Variants in CHFR observed in about 807,000 individuals in gnomAD.
CHFR encodes the protein E3 ubiquitin-protein ligase CHFR.
CHFR carries 57 observed loss-of-function variants against 87.6 expected under a neutral mutation model. The observed-to-expected ratio is 0.65, with a 90% CI of 0.53 to 0.81. The LOEUF is 0.81. Among genes scored for constraint, CHFR ranks in the 30% least tolerant of loss-of-function variants. The pLI is 0.00. For missense variants in CHFR, 797 were observed against 865.8 expected (o/e 0.92, Z 1.00); for synonymous variants, 381 against 359.2 (o/e 1.06, Z -0.69).
chr12:132,878,984 T>C (rs1391390859), intron 2 of CHFR, among the ~76,000 whole-genome samples: 1 of 148,910 alleles, frequency 6.7e-6, no homozygotes, highest in Non-Finnish European at 1.5e-5. Flanking sequence ...GTGATAGGCA[T>C]TTGTTTTTTT....
chr12:132,851,141 C>T (rs1274317432), intron 12 of CHFR, among the ~76,000 whole-genome samples: 2 of 152,004 alleles, frequency 1.3e-5, no homozygotes, highest in African/African-American at 4.8e-5. Context: ...CAGGTGTACA[C>T]CATCATGTCT....
At chr12:132,849,261 C>T (rs933280790) in intron 12 of CHFR, 1 of 152,474 alleles carries the variant, frequency 6.6e-6, no homozygotes, top group Non-Finnish European at 1.5e-5. Context: ...AGACCCACAT[C>T]GTTTCTTAAA....
At chr12:132,845,230 C>T (rs1190790324) in intron 15 of CHFR, among the ~76,000 whole-genome samples, 4 of 151,466 alleles carry the variant, frequency 2.6e-5, no homozygotes, top group Non-Finnish European at 2.9e-5. Context: ...CCGAGGCAGG[C>T]GGATCACAAG....
intron 12 of CHFR, among the ~76,000 whole-genome samples, chr12:132,850,964 C>CAT (rs55826641): frequency 0.028 from 3,815 of 135,390 alleles, 58 homozygotes; most frequent in Middle Eastern, 0.05. Flanking sequence ...TATGTGTGTG[C>CAT]ATATATATAT....
chr12:132,877,452 A>G (rs1951654494), intron 3 of CHFR, 103 bp downstream of exon 3: 1 of 649,820 alleles, frequency 1.5e-6, no homozygotes, highest in Non-Finnish European at 2.6e-6. Context: ...CACTAAAGAC[A>G]GCATTTCTTC....
rs1305142773 is a variant in CHFR at position 132,857,007 on chromosome 12, C to T, written c.1067-377G>A. On this transcript the variant is annotated intron_variant, in intron 9 of 17. Transcript: ENST00000450056. ...CGTGCCCGGGTGCTGGTGTGGATGC[C>T]CTCACGTGCCTGGGTGCTGGTGGAG... Among the ~76,000 whole-genome samples the T allele has an allele frequency of 1.2e-4, 13 of 108,688 alleles. 1 individual carries two copies. The highest frequency in any genetic ancestry group is 1.9e-4 in the Non-Finnish European group (10 of 52,092). The allele number at this position is 108,688 out of a possible 152,430, so 71.3% of individuals were successfully genotyped here.
rs1419533262 is a variant in CHFR, at chr12:132,887,348, G to A, written c.-12-8C>T. ...CTCCATCGGGATTCACATCTGCGGA[G>A]ACCCCGGAAACGCCCATGGAGACTC... On this transcript the variant is annotated splice_region_variant and splice_polypyrimidine_tract_variant and intron_variant, in intron 1 of 17. Coordinates refer to ENST00000450056, the MANE Select transcript of CHFR (RefSeq NM_001161346.2). The A allele has an allele frequency of 2.8e-6, 4 of 1,408,304 alleles. No individual in the cohort carries two copies. Among genetic ancestry groups the A allele is most frequent in the Admixed American group, 3.0e-5 (1 of 33,528 alleles). 87.2% of individuals were successfully genotyped at this position (1,408,304 alleles called of 1,614,324 possible). A position where few individuals can be genotyped will look rare whatever the true frequency, so the allele number is the denominator to read the frequency against.
At chr12:132,868,428 G>A (rs1409175943) in intron 6 of CHFR, among the ~76,000 whole-genome samples, 1 of 152,054 alleles carries the variant, frequency 6.6e-6, no homozygotes, top group East Asian at 1.9e-4. Context: ...GAATGGCGTG[G>A]GAGGCGGAGC....
Position 132,875,080 on chromosome 12 carries a change from A to C in CHFR, c.233+2475T>G, listed in dbSNP as rs531987562. On this transcript the variant is annotated intron_variant, in intron 3 of 17. Coordinates refer to ENST00000450056, the MANE Select transcript of CHFR (RefSeq NM_001161346.2). ...CCAGCATGGGGAAGCCAGGCCCTGA[A>C]GCAGGCGGGACAGCTAGGGACCAGC... 2.0e-5 allele frequency among the ~76,000 whole-genome samples: 3 copies of C among 152,176 alleles called. No individual in the cohort carries two copies. The East Asian group carries it at 5.8e-4, about 29-fold the overall frequency.
At chr12:132,882,205 G>A (rs1951785450) in intron 2 of CHFR, among the ~76,000 whole-genome samples, 1 of 152,134 alleles carries the variant, frequency 6.6e-6, no homozygotes, top group African/African-American at 2.4e-5. Context: ...AACACTACCC[G>A]GTAACAGAAA....
At position 132,870,821 on chromosome 12, in the gene CHFR, C is replaced by G. The variant is rs750067972; in HGVS notation, c.344-38G>C. The G allele has an allele frequency of 9.6e-6, 13 of 1,352,852 alleles. No homozygotes were observed. In the Middle Eastern group the frequency reaches 5.4e-4, roughly 57 times the overall value. The allele number at this position is 1,352,852 out of a possible 1,614,324, so 83.8% of individuals were successfully genotyped here. The stretch of plus-strand genomic sequence containing the variant: ...CAATCAAATCAGAAAAGTGGTGGCC[C>G]CTGTGCAAACTGAGAACTCATTTTT... On this transcript the variant is annotated intron_variant, in intron 4 of 17. Transcript: ENST00000450056.
intron 2 of CHFR, among the ~76,000 whole-genome samples, chr12:132,885,550 A>C (rs1355094101): frequency 6.6e-6 from 1 of 152,332 alleles, no homozygotes; most frequent in South Asian, 2.1e-4. Context: ...TGGCAACATT[A>C]TTTATAAATT....
chr12:132,853,888 C>A (rs529465232), intron 10 of CHFR: 7 of 363,622 alleles, frequency 1.9e-5, no homozygotes, highest in South Asian at 7.1e-5. Context: ...AGGGCCAGCA[C>A]GTGCGCGCAC....
At chr12:132,847,300 G>C (rs968271009) in intron 14 of CHFR, 170 bp from the exon 15 acceptor site, 5 of 1,371,460 alleles carry the variant, frequency 3.6e-6, no homozygotes, top group African/African-American at 2.9e-5. Flanking sequence ...TGCAGCACGA[G>C]AAGTCTTGTC....
chr12:132,849,834 C>T (rs1416015379), intron 12 of CHFR: 1 of 152,286 alleles, frequency 6.6e-6, no homozygotes, highest in Non-Finnish European at 1.5e-5. Flanking sequence ...AGGTCATCCG[C>T]CTGCCTTGGC....
At chr12:132,885,479 G>C (rs1228543079) in intron 2 of CHFR, among the ~76,000 whole-genome samples, 1 of 152,026 alleles carries the variant, frequency 6.6e-6, no homozygotes, top group Non-Finnish European at 1.5e-5. Flanking sequence ...AAGCCACCCA[G>C]AATGTAGTAT....
At chr12:132,861,726 G>A (rs1251064025) in intron 6 of CHFR, 92 bp from the exon 7 acceptor site, 3 of 1,214,950 alleles carry the variant, frequency 2.5e-6, no homozygotes, top group Admixed American at 2.3e-5. Flanking sequence ...GCCCAGTGCA[G>A]CTGGCAGCCT....
chr12:132,881,330 G>A (rs181756096), intron 2 of CHFR, among the ~76,000 whole-genome samples: 1 of 152,194 alleles, frequency 6.6e-6, no homozygotes, highest in African/African-American at 2.4e-5. Context: ...GCTATGGACT[G>A]GTGGAAATAT....
chr12:132,882,352 C>G (rs1951788359), intron 2 of CHFR, among the ~76,000 whole-genome samples: 1 of 152,200 alleles, frequency 6.6e-6, no homozygotes, highest in South Asian at 2.1e-4. Flanking sequence ...AGATCAGTGG[C>G]TGCCAGGAGC....
Sources: allele counts gnomAD v4.1 joint callset (sites outside exome capture counted in the v4.1 genomes callset), GRCh38; gene constraint gnomAD v4.1.1; transcripts MANE v1.5; gene names NCBI Gene and HGNC (gene_info 2026-07-23, HGNC 2026-07-21).